ZNF407: variants seen among roughly 807,000 people sequenced by gnomAD.
ZNF407 encodes zinc finger protein 407.
A neutral mutation model predicts 131.2 loss-of-function variants in ZNF407; 17 were observed. The ratio of observed to expected loss-of-function variants is 0.13; its 90% CI spans 0.09 to 0.19. The LOEUF is 0.19. ZNF407 is among the 10% of genes least tolerant of loss of function. The probability of loss-of-function intolerance (pLI) is 1.00; values close to 1 mark genes in which losing one functional copy is unlikely to be tolerated. For synonymous variants in ZNF407, 1,156 were observed against 1,062.0 expected (o/e 1.09, Z -1.72); for missense variants, 2,681 against 2,830.6 (o/e 0.95, Z 1.20).
chr18:74,719,905 T>G (rs992081765), intron 3 of ZNF407, among the ~76,000 whole-genome samples: 1 of 152,202 alleles, frequency 6.6e-6, no homozygotes, highest in Non-Finnish European at 1.5e-5. Flanking sequence ...CATTCATCTG[T>G]TGTTGGGCAC....
intron 4 of ZNF407, among the ~76,000 whole-genome samples, chr18:74,854,777 G>A (rs578230665): frequency 6.6e-6 from 1 of 151,840 alleles, no homozygotes; most frequent in African/African-American, 2.4e-5. Flanking sequence ...CAACCTTATA[G>A]CACCCATGCA....
Position 74,632,434 on chromosome 18 carries a change from A to G in ZNF407, c.1415A>G (p.Asp472Gly). ...KHLRTQMKTHDAESVLKHLEA... is the reference protein window; with the variant it reads ...KHLRTQMKTHGAESVLKHLEA... Reference sequence around the variant, plus strand: ...TTGAGAACACAGATGAAAACACACGATGCAGAATCAGTGCTGAAACACCTG... The same window carrying G: ...TTGAGAACACAGATGAAAACACACGGTGCAGAATCAGTGCTGAAACACCTG... The change falls in exon 2 of 9, where the codon GAT becomes GGT. Residue 472 changes from aspartate to glycine, a missense_variant. Physicochemically the swap from Asp to Gly is moderately conservative, Grantham distance 94. This residue lies in a region of ZNF407 where 1,789 missense variants were observed against 1,748.7 expected (regional missense o/e 1.02). Transcript: ENST00000299687. 6.2e-7 allele frequency: 1 copy of G among 1,614,036 alleles called. No individual in the cohort carries two copies. Among genetic ancestry groups the G allele is most frequent in the Non-Finnish European group, 8.5e-7 (1 of 1,179,900 alleles).
chr18:74,918,037 A>T (rs1971796244), intron 7 of ZNF407, among the ~76,000 whole-genome samples: 2 of 152,184 alleles, frequency 1.3e-5, no homozygotes, highest in African/African-American at 4.8e-5. Context: ...ACCCAGCTTG[A>T]AGAATTCAAA....
At chr18:75,021,203 T>C (rs1438674667) in intron 8 of ZNF407, among the ~76,000 whole-genome samples, 1 of 152,106 alleles carries the variant, frequency 6.6e-6, no homozygotes, top group Non-Finnish European at 1.5e-5. Context: ...GAGTCCATTA[T>C]ATGTAATCTA....
intron 8 of ZNF407, among the ~76,000 whole-genome samples, chr18:75,003,596 GTTTAA>G (rs1203375930): frequency 1.3e-5 from 2 of 152,130 alleles, no homozygotes; most frequent in Non-Finnish European, 2.9e-5. Context: ...ATTTTTCTTA[GTTTAA>G]TTTAAGCATT....
At chr18:74,916,384 GT>G (rs1287770362) in intron 7 of ZNF407, among the ~76,000 whole-genome samples, 1 of 118,930 alleles carries the variant, frequency 8.4e-6, no homozygotes, top group Non-Finnish European at 1.6e-5. Flanking sequence ...GTATGGTGAG[GT>G]TGTGTGCAGT....
At position 74,631,159 on chromosome 18, in the gene ZNF407, C is replaced by T; in HGVS notation, c.140C>T (p.Ser47Phe). Residue 47 changes from serine to phenylalanine, a missense_variant, in exon 2 of 9, where the codon TCT becomes TTT. This residue lies in a region of ZNF407 where 1,789 missense variants were observed against 1,748.7 expected (regional missense o/e 1.02). Transcript: ENST00000299687. ...GTGATAGCAAGTTTCCCTGAGAATT[C>T]TATGGGCAAAAGAGGTTTTTCAGAA... ...SDVIASFPENSMGKRGFSESS... is the reference protein window; with the variant it reads ...SDVIASFPENFMGKRGFSESS... 1 of 1,613,938 alleles carries T rather than the reference C, an allele frequency of 6.2e-7. No homozygotes were observed. Among genetic ancestry groups the T allele is most frequent in the Non-Finnish European group, 8.5e-7 (1 of 1,179,878 alleles).
At chr18:74,982,872 G>T (rs1328761109) in intron 8 of ZNF407, among the ~76,000 whole-genome samples, 1 of 152,044 alleles carries the variant, frequency 6.6e-6, no homozygotes, top group Non-Finnish European at 1.5e-5. Flanking sequence ...TGATGAATTG[G>T]AACTTCTTTT....
At chr18:75,001,584 G>C (rs1046255033) in intron 8 of ZNF407, among the ~76,000 whole-genome samples, 6 of 152,154 alleles carry the variant, frequency 3.9e-5, no homozygotes, top group Admixed American at 1.3e-4. Context: ...AGAGCAAAAG[G>C]AAACAGAATG....
At chr18:74,821,520 G>A (rs1970340400) in intron 4 of ZNF407, among the ~76,000 whole-genome samples, 1 of 151,824 alleles carries the variant, frequency 6.6e-6, no homozygotes, top group Non-Finnish European at 1.5e-5. Context: ...AACATGTGCT[G>A]TTTGGTTTTC....
rs765633525 is a variant in ZNF407 at position 74,634,316 on chromosome 18, A to G, written c.3297A>G (p.Glu1099=). ...CCAAAAACATCATTATGCCTGAAGA[A>G]GAGCATCAACAAAATTCTGAGGAAT... is the stretch of plus-strand genomic sequence containing the variant. ...DMSKNIIMPE[E]EHQQNSEEFQ... is the part of the protein sequence containing the mutation. The change falls in exon 2 of 9, where the codon GAA becomes GAG. Residue 1099 remains glutamate (E), a synonymous_variant. Transcript: ENST00000299687. 6.2e-6 allele frequency: 10 copies of G among 1,613,876 alleles called. No individual in the cohort carries two copies. Among genetic ancestry groups the G allele is most frequent in the Admixed American group, 3.3e-5 (2 of 60,004 alleles).
intron 3 of ZNF407, among the ~76,000 whole-genome samples, chr18:74,708,411 T>C (rs959292321): frequency 6.6e-6 from 1 of 152,202 alleles, no homozygotes; most frequent in Non-Finnish European, 1.5e-5. Flanking sequence ...TGGTTGAAGG[T>C]CTTTCTTCAT....
At chr18:74,711,212 C>T (rs1967752956) in intron 3 of ZNF407, among the ~76,000 whole-genome samples, 1 of 152,114 alleles carries the variant, frequency 6.6e-6, no homozygotes, top group Non-Finnish European at 1.5e-5. Flanking sequence ...TTTGGGTTGG[C>T]AGAATAAAGC....
intron 3 of ZNF407, among the ~76,000 whole-genome samples, chr18:74,671,508 C>CCCACCCT: frequency 6.6e-6 from 1 of 152,224 alleles, no homozygotes; most frequent in South Asian, 2.1e-4. Flanking sequence ...TCTCCCTCCT[C>CCCACCCT]CCACCCTCCA....
intron 4 of ZNF407, among the ~76,000 whole-genome samples, chr18:74,849,288 C>A (rs1435155406): frequency 6.6e-6 from 1 of 151,946 alleles, no homozygotes; most frequent in East Asian, 1.9e-4. Flanking sequence ...CTATATTGGG[C>A]AAGCTGGTCT....
At chr18:74,841,775 T>G (rs968018365) in intron 4 of ZNF407, among the ~76,000 whole-genome samples, 1 of 152,204 alleles carries the variant, frequency 6.6e-6, no homozygotes, top group African/African-American at 2.4e-5. Flanking sequence ...AATTCCGTGA[T>G]GAAACTCATG....
intron 8 of ZNF407, among the ~76,000 whole-genome samples, chr18:74,933,507 A>G (rs967997974): frequency 2.0e-5 from 3 of 152,198 alleles, no homozygotes; most frequent in Non-Finnish European, 4.4e-5. Flanking sequence ...GTACTTAATT[A>G]ACACTGCTGA....
chr18:75,019,603 C>T (rs1973083477), intron 8 of ZNF407, among the ~76,000 whole-genome samples: 1 of 152,150 alleles, frequency 6.6e-6, no homozygotes, highest in Admixed American at 6.5e-5. Context: ...TCCAGAATAT[C>T]CCCGCTGTAA....
chr18:75,042,224 A>G (rs1973382437), intron 8 of ZNF407, among the ~76,000 whole-genome samples: 1 of 152,158 alleles, frequency 6.6e-6, no homozygotes, highest in African/African-American at 2.4e-5. Flanking sequence ...CTGTAACAAC[A>G]GTAAAAGTAA....
Sources: gnomAD v4.1 joint callset for allele counts (sites outside exome capture counted in the v4.1 genomes callset) on GRCh38, gnomAD v4.1.1 for gene constraint, gnomAD v4.1.1 regional missense constraint, MANE v1.5 for transcripts, NCBI Gene and HGNC (gene_info 2026-07-23, HGNC 2026-07-21) for gene names.